TOGARAM2: variants seen among roughly 807,000 people sequenced by gnomAD.
The protein encoded by TOGARAM2 is TOG array regulator of axonemal microtubules 2.
A neutral mutation model predicts 93.3 loss-of-function variants in TOGARAM2; 85 were observed. The observed-to-expected ratio is 0.91, with a 90% CI of 0.76 to 1.09. The LOEUF is 1.09. TOGARAM2 is among the 50% of genes least tolerant of loss of function. The pLI is 0.00. For missense variants in TOGARAM2, 1,277 were observed against 1,334.5 expected (o/e 0.96, Z 0.67); for synonymous variants, 593 against 552.8 (o/e 1.07, Z -1.02).
chr2:29,008,452 A>G (rs1172857166), intron 6 of TOGARAM2, among the ~76,000 whole-genome samples: 1 of 146,790 alleles, frequency 6.8e-6, no homozygotes, highest in Non-Finnish European at 1.5e-5. Context: ...CACCCAGCCA[A>G]TTAAAAATAT....
At chr2:29,026,288 G>T (rs963826435) in intron 13 of TOGARAM2, among the ~76,000 whole-genome samples, 4 of 152,306 alleles carry the variant, frequency 2.6e-5, no homozygotes, top group Non-Finnish European at 5.9e-5. Flanking sequence ...GGATACAGCA[G>T]TGAAAAAGAA....
chr2:29,014,553 G>C lies in TOGARAM2; in HGVS notation c.1036G>C (p.Gly346Arg). The C allele has an allele frequency of 6.4e-7, 1 of 1,567,316 alleles. No individual in the cohort carries two copies. Among genetic ancestry groups the C allele is most frequent in the Non-Finnish European group, 8.7e-7 (1 of 1,155,812 alleles). Residue 346 changes from glycine (G) to arginine (R), a missense_variant, in exon 8 of 20, where the codon GGC becomes CGC. Gly to Arg is a moderately radical substitution (Grantham distance 125). Transcript: ENST00000379558. ...PLKEEDQKEI[G>R]TKIQVTISKS... ...GAAAGAAGAGGACCAGAAGGAGATC[G>C]GCACCAAGGTACCTGGGGAGCGGGA...
chr2:29,025,259 T>G lies in TOGARAM2; in HGVS notation c.1853+885T>G, dbSNP rs557359634. Reference sequence around the variant, plus strand: ...ATCTGTAAAATGGAGATAATAATGGTGTCTACCTCATGAGGTTGTTATGAG... The same window carrying G: ...ATCTGTAAAATGGAGATAATAATGGGGTCTACCTCATGAGGTTGTTATGAG... On this transcript the variant is annotated intron_variant, in intron 13 of 19. Transcript: ENST00000379558. Among the ~76,000 whole-genome samples the G allele has an allele frequency of 3.3e-5, 5 of 152,284 alleles. No individual in the cohort carries two copies. In the South Asian group the frequency reaches 6.2e-4, roughly 19 times the overall value.
intron 9 of TOGARAM2, 69 bp downstream of exon 9, chr2:29,017,373 A>T (rs1372426983): frequency 3.5e-5 from 48 of 1,373,362 alleles, no homozygotes; most frequent in Non-Finnish European, 4.5e-5. Flanking sequence ...TAGCCTGCTG[A>T]TGGGCCCATT....
At chr2:29,010,529 G>T (rs527496373) in intron 6 of TOGARAM2, among the ~76,000 whole-genome samples, 16 of 152,184 alleles carry the variant, frequency 1.1e-4, no homozygotes, top group Admixed American at 3.9e-4. Context: ...AGGCACTGAG[G>T]GGGGCTGTCC....
Position 29,036,558 on chromosome 2 carries a change from C to T in TOGARAM2, c.2436C>T (p.Thr812=). The T allele has an allele frequency of 1.2e-6, 2 of 1,613,954 alleles. No individual in the cohort carries two copies. Among genetic ancestry groups the T allele is most frequent in the Non-Finnish European group, 1.7e-6 (2 of 1,179,892 alleles). Residue 812 remains threonine, a synonymous_variant, in exon 18 of 20, where the codon ACC becomes ACT. Coordinates refer to ENST00000379558, the MANE Select transcript of TOGARAM2 (RefSeq NM_199280.4). Reference sequence around the variant, plus strand: ...TTCAATAGGTCTTTGATGCTTTCACCCCAAGGCTTCAGGATTCCAACAAGA... The same window carrying T: ...TTCAATAGGTCTTTGATGCTTTCACTCCAAGGCTTCAGGATTCCAACAAGA... ...AHLVQVFDAF[T]PRLQDSNKKV... is the part of the protein sequence containing the mutation.
At chr2:29,013,712 G>A (rs559568603) in intron 7 of TOGARAM2, among the ~76,000 whole-genome samples, 1 of 152,350 alleles carries the variant, frequency 6.6e-6, no homozygotes, top group African/African-American at 2.4e-5. Flanking sequence ...TTCTAGCTGC[G>A]ATGGCAGCTA....
In TOGARAM2 at chr2:29,017,901, C is replaced by T. The variant is rs1362909472; in HGVS notation, c.1305C>T (p.Ser435=). The T allele has an allele frequency of 1.9e-6, 3 of 1,612,252 alleles. No homozygotes were observed. Among genetic ancestry groups the T allele is most frequent in the South Asian group, 2.2e-5 (2 of 90,850 alleles). Residue 435 remains serine (S), a synonymous_variant, in exon 10 of 20, where the codon TCC becomes TCT. Transcript: ENST00000379558. ...IILRKWASRA[S]LPSIPISRQE... is the part of the protein sequence containing the mutation. Reference sequence around the variant, plus strand: ...TGAGGAAGTGGGCCAGCCGGGCCTCCCTGCCCAGCATCCCCATCAGCCGGC... The same window carrying T: ...TGAGGAAGTGGGCCAGCCGGGCCTCTCTGCCCAGCATCCCCATCAGCCGGC...
At chr2:29,045,783 A>G in intron 19 of TOGARAM2, 1 of 290,926 alleles carries the variant, frequency 3.4e-6, no homozygotes, top group South Asian at 3.3e-5. Context: ...AGGGATGCAG[A>G]ACTGGTATCA....
chr2:29,003,769 C>A, intron 6 of TOGARAM2, 87 bp downstream of exon 6: 2 of 1,228,972 alleles, frequency 1.6e-6, no homozygotes, highest in East Asian at 3.0e-5. Context: ...GCTGACCCTC[C>A]ATGCTGTGGC....
At chr2:29,051,655 G>C (rs1473722143) in intron 19 of TOGARAM2, 101 bp from the exon 20 acceptor site, 1 of 917,240 alleles carries the variant, frequency 1.1e-6, no homozygotes, top group Non-Finnish European at 1.6e-6. Flanking sequence ...GTGCCTGCTG[G>C]GCTGCCAGCC....
intron 6 of TOGARAM2, among the ~76,000 whole-genome samples, chr2:29,004,882 GTA>G (rs1458730286): frequency 1.3e-5 from 2 of 149,624 alleles, no homozygotes; most frequent in African/African-American, 4.9e-5. Flanking sequence ...TGTGTGGAGT[GTA>G]TGTGTACATG....
chr2:28,977,637 C>T (rs7591911), upstream of TOGARAM2, among the ~76,000 whole-genome samples: 2 of 152,144 alleles, frequency 1.3e-5, no homozygotes, highest in African/African-American at 4.8e-5. Context: ...CTCTCAACAC[C>T]CATGTGGAAC....
chr2:29,017,356 T>A, intron 9 of TOGARAM2, 52 bp downstream of exon 9: 1 of 1,490,796 alleles, frequency 6.7e-7, no homozygotes, highest in Non-Finnish European at 8.9e-7. Flanking sequence ...CTGAGTCCAC[T>A]CTCTCATAGC....
chr2:28,994,285 T>C (rs1473405899), intron 1 of TOGARAM2, among the ~76,000 whole-genome samples: 1 of 152,060 alleles, frequency 6.6e-6, no homozygotes, highest in Non-Finnish European at 1.5e-5. Context: ...ACTGGAGAAC[T>C]GGTGTCCGAG....
intron 6 of TOGARAM2, among the ~76,000 whole-genome samples, chr2:29,009,891 C>T (rs1028710354): frequency 2.6e-5 from 4 of 152,116 alleles, no homozygotes; most frequent in African/African-American, 4.8e-5. Context: ...GGGCCCTGAT[C>T]GGCATGGCCT....
In TOGARAM2 at chr2:29,036,546, T is replaced by C. The variant is rs1666122750; in HGVS notation, c.2424T>C (p.Phe808=). Residue 808 remains phenylalanine, a synonymous_variant, in exon 18 of 20, where the codon TTT becomes TTC. Coordinates refer to ENST00000379558, the MANE Select transcript of TOGARAM2 (RefSeq NM_199280.4). The part of the protein sequence containing the change: ...ELVTAHLVQV[F]DAFTPRLQDS... The stretch of plus-strand genomic sequence containing the variant: ...GGTTTCTGTTTCTTCAATAGGTCTT[T>C]GATGCTTTCACCCCAAGGCTTCAGG... The C allele has an allele frequency of 6.2e-7, 1 of 1,613,984 alleles. No individual in the cohort carries two copies. The highest frequency in any genetic ancestry group is 8.5e-7 in the Non-Finnish European group (1 of 1,179,902).
At chr2:28,973,200 C>G (rs182816517) in intron 1 of TOGARAM2, among the ~76,000 whole-genome samples, 62 of 152,312 alleles carry the variant, frequency 4.1e-4, no homozygotes, top group African/African-American at 1.5e-3. Context: ...CCCTGCAGGG[C>G]CTGGAGCAGC....
rs150617927 is a variant in TOGARAM2, at chr2:29,039,478, T to C, written c.2635+2721T>C. 2.7e-3 allele frequency among the ~76,000 whole-genome samples: 408 copies of C among 152,278 alleles called. 2 individuals carry two copies. Among genetic ancestry groups the C allele is most frequent in the African/African-American group, 8.9e-3 (371 of 41,542 alleles). The stretch of plus-strand genomic sequence containing the variant: ...CACAGCCAAGTCGGGAGGATGGCCT[T>C]CTTGGGGGGACCTTCTAGAACTCAC... On this transcript the variant is annotated intron_variant, in intron 18 of 19. Transcript: ENST00000379558.
Sources: gnomAD v4.1 joint callset for allele counts (sites outside exome capture counted in the v4.1 genomes callset) on GRCh38, gnomAD v4.1.1 for gene constraint, MANE v1.5 for transcripts, NCBI Gene and HGNC (gene_info 2026-07-23, HGNC 2026-07-21) for gene names.